YEATS2: variants seen among roughly 807,000 people sequenced by gnomAD.
YEATS2 encodes the protein YEATS domain-containing protein 2.
YEATS2 carries 77 observed loss-of-function variants against 163.2 expected under a neutral mutation model. The observed-to-expected ratio is 0.47, with a 90% confidence interval of 0.39 to 0.57. YEATS2 has a LOEUF of 0.57. YEATS2 is among the 20% of genes least tolerant of loss of function. YEATS2 has a pLI of 0.00. For synonymous variants in YEATS2, 631 were observed against 645.1 expected (o/e 0.98, Z 0.33); for missense variants, 1,549 against 1,729.8 (o/e 0.90, Z 1.85).
At chr3:183,806,107 G>C (rs1726169607) in intron 27 of YEATS2, 1 of 355,970 alleles carries the variant, frequency 2.8e-6, no homozygotes. Flanking sequence ...AAAGCTGTAG[G>C]CATCAGCACA....
Position 183,811,298 on chromosome 3 carries a change from A to G in YEATS2, c.*715A>G, listed in dbSNP as rs987227932. On this transcript the variant is annotated 3_prime_UTR_variant, in exon 31 of 31. Transcript: ENST00000305135. ...ACCAAGAAAACTCACTATGCTAGGA[A>G]TAGACTGTGTGCACCAGTCCCAGAC... 1.3e-5 allele frequency: 2 copies of G among 152,762 alleles called. No homozygotes were observed. Among genetic ancestry groups the G allele is most frequent in the African/African-American group, 4.8e-5 (2 of 41,462 alleles). 9.5% of individuals were successfully genotyped at this position (152,762 alleles called of 1,614,324 possible). A position where few individuals can be genotyped will look rare whatever the true frequency, so the allele number is the denominator to read the frequency against.
At chr3:183,756,154 A>G (rs965266277) in intron 11 of YEATS2, among the ~76,000 whole-genome samples, 1 of 152,220 alleles carries the variant, frequency 6.6e-6, no homozygotes, top group Non-Finnish European at 1.5e-5. Context: ...GTTACAAAAA[A>G]AGGTTCAGCA....
intron 1 of YEATS2, among the ~76,000 whole-genome samples, chr3:183,707,396 A>G (rs958283641): frequency 1.3e-5 from 2 of 152,192 alleles, no homozygotes; most frequent in Admixed American, 6.6e-5. Flanking sequence ...GCCTGCATCA[A>G]GAGTTCATTG....
At position 183,697,909 on chromosome 3, in the gene YEATS2, G is replaced by A. The variant is rs1373949210; in HGVS notation, c.-104G>A. On this transcript the variant is annotated 5_prime_UTR_variant, in exon 1 of 31. Transcript: ENST00000305135. ...GGGCCTTGTGGCGGGGCAGCTCCGCGGGGCTTCGCCCGCTCTCTCACCTCG... is the reference window on the plus strand; with the variant it reads ...GGGCCTTGTGGCGGGGCAGCTCCGCAGGGCTTCGCCCGCTCTCTCACCTCG... The A allele has an allele frequency of 6.6e-6, 1 of 150,858 alleles. No individual in the cohort carries two copies. The highest frequency in any genetic ancestry group is 6.6e-5 in the Admixed American group (1 of 15,186). The allele number at this position is 150,858 out of a possible 1,614,324, so 9.3% of individuals were successfully genotyped here. A position where few individuals can be genotyped will look rare whatever the true frequency, so the allele number is the denominator to read the frequency against.
At chr3:183,710,982 C>CA (rs1715137167) in intron 1 of YEATS2, among the ~76,000 whole-genome samples, 2 of 152,126 alleles carry the variant, frequency 1.3e-5, no homozygotes. Context: ...GGGCTATATC[C>CA]ACCTCTGATT....
At chr3:183,705,526 AT>A (rs911623101) in intron 1 of YEATS2, among the ~76,000 whole-genome samples, 19 of 151,448 alleles carry the variant, frequency 1.3e-4, no homozygotes, top group East Asian at 3.9e-4. Context: ...TTATCATGTT[AT>A]TTTTTTTGCC....
intron 2 of YEATS2, among the ~76,000 whole-genome samples, chr3:183,715,511 G>T (rs1430485374): frequency 6.6e-6 from 1 of 151,882 alleles, no homozygotes; most frequent in Non-Finnish European, 1.5e-5. Flanking sequence ...AGCGATCACT[G>T]TATGTTAGGT....
In YEATS2 at chr3:183,724,449, A is replaced by G. The variant is rs1386145691; in HGVS notation, c.568A>G (p.Thr190Ala). Reference sequence around the variant, plus strand: ...TTCTAGAATTACTGGCTCCCATAAAACAGAACAGCGGAATGCTGATCTCAC... The same window carrying G: ...TTCTAGAATTACTGGCTCCCATAAAGCAGAACAGCGGAATGCTGATCTCAC... ...DTSRITGSHK[T>A]EQRNADLTDE... Residue 190 changes from threonine (T) to alanine (A), a missense_variant, in exon 6 of 31, where the codon ACA (threonine) becomes GCA (alanine). Physicochemically the swap from Thr to Ala is moderately conservative, Grantham distance 58. Coordinates refer to ENST00000305135, the MANE Select transcript of YEATS2 (RefSeq NM_018023.5). 1 of 1,613,532 alleles carries G rather than the reference A, an allele frequency of 6.2e-7. No homozygotes were observed. The highest frequency in any genetic ancestry group is 1.1e-5 in the South Asian group (1 of 90,934).
In YEATS2 at chr3:183,795,483, T is replaced by TTTTAA. The variant is rs146253574; in HGVS notation, c.3098-2440_3098-2439insTTTAA. The stretch of plus-strand genomic sequence containing the variant: ...TTTTTTTTTTTTTTTTTTTTTTTTT[T>TTTTAA]AGAGACGGGGTCTTGCTTTGTTGCC... On this transcript the variant is annotated intron_variant, in intron 21 of 30. Transcript: ENST00000305135. Among the ~76,000 whole-genome samples the TTTTAA allele has an allele frequency of 2.4e-5, 3 of 123,946 alleles. 1 individual carries two copies. Among genetic ancestry groups the TTTTAA allele is most frequent in the Non-Finnish European group, 1.7e-5 (1 of 59,244 alleles). The allele number at this position is 123,946 out of a possible 152,430, so 81.3% of individuals were successfully genotyped here. A position where few individuals can be genotyped will look rare whatever the true frequency, so the allele number is the denominator to read the frequency against.
rs1198961806 is a variant in YEATS2 at position 183,810,865 on chromosome 3, G to A, written c.*282G>A. 1 of 389,574 alleles carries A rather than the reference G, an allele frequency of 2.6e-6. No homozygotes were observed. The highest frequency in any genetic ancestry group is 4.8e-6 in the Non-Finnish European group (1 of 207,270). The allele number at this position is 389,574 out of a possible 1,614,324, so 24.1% of individuals were successfully genotyped here. ...TCTTTGTAAAGGCCCCACGAGAGCG[G>A]GCCAGGCCGTGTGCCTCAGGCCCTT... On this transcript the variant is annotated 3_prime_UTR_variant, in exon 31 of 31. Transcript: ENST00000305135.
At chr3:183,709,832 C>T (rs1025526268) in intron 1 of YEATS2, among the ~76,000 whole-genome samples, 1 of 151,924 alleles carries the variant, frequency 6.6e-6, no homozygotes, top group Non-Finnish European at 1.5e-5. Flanking sequence ...TGCCCGCCAC[C>T]ACGCCCGGCT....
chr3:183,792,029 C>T (rs892385663), intron 21 of YEATS2, among the ~76,000 whole-genome samples: 1 of 152,174 alleles, frequency 6.6e-6, no homozygotes, highest in African/African-American at 2.4e-5. Flanking sequence ...ATTATATAAA[C>T]AATTGCCACT....
At chr3:183,779,976 G>A (rs1206669635) in intron 19 of YEATS2, among the ~76,000 whole-genome samples, 12 of 149,802 alleles carry the variant, frequency 8.0e-5, no homozygotes, top group African/African-American at 2.5e-4. Flanking sequence ...GATTACAGGC[G>A]TGAGCCACCG....
chr3:183,746,572 A>G (rs1223203024), intron 8 of YEATS2, among the ~76,000 whole-genome samples: 1 of 151,954 alleles, frequency 6.6e-6, no homozygotes, highest in Non-Finnish European at 1.5e-5. Context: ...GGTCCCAACA[A>G]TGAAAGATAC....
intron 24 of YEATS2, 70 bp from the exon 25 acceptor site, chr3:183,801,385 C>T: frequency 9.5e-7 from 1 of 1,056,182 alleles, no homozygotes; most frequent in East Asian, 2.5e-5. Flanking sequence ...AAGTACATGG[C>T]ATATATATGG....
At chr3:183,789,525 ATTTTTTTTTTTTTTTT>A (rs143473253) in intron 20 of YEATS2, among the ~76,000 whole-genome samples, 10 of 66,348 alleles carry the variant, frequency 1.5e-4, no homozygotes, top group South Asian at 1.4e-3. Flanking sequence ...ATTCGAGTTA[ATTTTTTTTTTTTTTTT>A]TTTTTTTTTT....
Position 183,803,311 on chromosome 3 carries a change from C to T in YEATS2, c.3558C>T (p.Asn1186=), listed in dbSNP as rs1483317055. ...CTGTGGAGCAGTACTATGGCTGGAA[C>T]ATTGGAAAAAGGAGAGCCGCTGAGG... ...AKSVEQYYGW[N]IGKRRAAEWQ... The change falls in exon 26 of 31, where the codon AAC becomes AAT. Residue 1186 remains asparagine (N), a synonymous_variant. Transcript: ENST00000305135. 3.7e-6 allele frequency: 6 copies of T among 1,611,404 alleles called. No individual in the cohort carries two copies. The East Asian group carries it at 1.1e-4, about 30-fold the overall frequency.
intron 1 of YEATS2, among the ~76,000 whole-genome samples, chr3:183,708,235 C>T (rs745838750): frequency 5.5e-5 from 8 of 146,236 alleles, no homozygotes; most frequent in Non-Finnish European, 1.2e-4. Context: ...GATCTCGGCT[C>T]ACTGCAACCT....
At chr3:183,766,976 A>G (rs1266135997) in intron 15 of YEATS2, among the ~76,000 whole-genome samples, 4 of 152,020 alleles carry the variant, frequency 2.6e-5, no homozygotes, top group African/African-American at 9.7e-5. Context: ...TGCCTGGCCA[A>G]AGTATGTTGT....
Sources: allele counts gnomAD v4.1 joint callset (sites outside exome capture counted in the v4.1 genomes callset), GRCh38; gene constraint gnomAD v4.1.1; transcripts MANE v1.5; gene names NCBI Gene and HGNC (gene_info 2026-07-23, HGNC 2026-07-21).